The following RASGRP1 variants were observed in gnomAD, a reference collection of about 807,000 sequenced individuals.
The protein encoded by RASGRP1 is RAS guanyl releasing protein 1.
Under a neutral mutation model 95.1 loss-of-function variants are expected in RASGRP1, and 37 were observed. That is an observed-to-expected ratio of 0.39 (90% CI 0.30 to 0.51). The LOEUF is 0.51. Ranked by LOEUF, RASGRP1 falls within the 20% of genes least tolerant of loss-of-function variation. The pLI is 0.80. For synonymous variants in RASGRP1, 325 were observed against 353.4 expected, an observed-to-expected ratio of 0.92 and a Z score of 0.90; for missense variants, 711 against 965.4, an observed-to-expected ratio of 0.74 and a Z score of 3.49.
At chr15:38,559,700 A>G (rs1893726495) in intron 2 of RASGRP1, 121 bp downstream of exon 2, 1 of 1,058,088 alleles carries the variant, frequency 9.5e-7, no homozygotes, top group Admixed American at 2.7e-5. Flanking sequence ...AACATTTCAA[A>G]GGCTCAAAAG....
chr15:38,515,788 C>CCCT (rs1491527110), intron 6 of RASGRP1, among the ~76,000 whole-genome samples: 9 of 134,792 alleles, frequency 6.7e-5, no homozygotes, highest in Non-Finnish European at 8.0e-5. Context: ...ACCCCCCCCC[C>CCCT]TTTTTTTTTT....
chr15:38,502,286 A>T (rs776416726), intron 12 of RASGRP1, 26 bp downstream of exon 12: 1 of 1,495,174 alleles, frequency 6.7e-7, no homozygotes, highest in Non-Finnish European at 9.3e-7. Flanking sequence ...GCTCATAACC[A>T]CATATTCCTA....
intron 1 of RASGRP1, 115 bp downstream of exon 1, chr15:38,564,479 G>T (rs1202090186): frequency 2.2e-6 from 2 of 890,740 alleles, no homozygotes; most frequent in East Asian, 8.0e-5. Context: ...GACTCCGGCC[G>T]ACCCCGGCCC....
rs1167773737 is a variant in RASGRP1, at chr15:38,490,509, G to A, written c.*45C>T. The A allele has an allele frequency of 6.3e-7, 1 of 1,580,432 alleles. No homozygotes were observed. The highest frequency in any genetic ancestry group is 1.2e-5 in the South Asian group (1 of 84,818). ...GTCTGTGCATTACAGTTTAGGAAAT[G>A]AGATCACTATACTCATCTACAGATT... On this transcript the variant is annotated 3_prime_UTR_variant, in exon 17 of 17. Transcript: ENST00000310803.
chr15:38,520,678 A>G (rs1241434593), intron 3 of RASGRP1, among the ~76,000 whole-genome samples: 1 of 152,176 alleles, frequency 6.6e-6, no homozygotes, highest in Non-Finnish European at 1.5e-5. Context: ...ATAAAAAACT[A>G]TTTAGAATTC....
At chr15:38,541,014 G>A (rs1454564674) in intron 2 of RASGRP1, among the ~76,000 whole-genome samples, 1 of 152,196 alleles carries the variant, frequency 6.6e-6, no homozygotes, top group Non-Finnish European at 1.5e-5. Flanking sequence ...GCTCCTGGGA[G>A]ACTGCTCTGA....
chr15:38,563,987 C>G (rs1893918306), intron 1 of RASGRP1, among the ~76,000 whole-genome samples: 1 of 152,238 alleles, frequency 6.6e-6, no homozygotes, highest in Non-Finnish European at 1.5e-5. Context: ...CTCACTGTCC[C>G]TCTTTCTTCA....
At chr15:38,559,686 C>A (rs1390352705) in intron 2 of RASGRP1, 135 bp downstream of exon 2, 1 of 923,738 alleles carries the variant, frequency 1.1e-6, no homozygotes, top group African/African-American at 1.7e-5. Context: ...TGCAGACTGT[C>A]TCCAACATTT....
intron 2 of RASGRP1, among the ~76,000 whole-genome samples, chr15:38,535,927 G>A (rs1892624931): frequency 6.6e-6 from 1 of 152,154 alleles, no homozygotes; most frequent in South Asian, 2.1e-4. Flanking sequence ...TCTGGAAATT[G>A]GACACAAGTC....
intron 12 of RASGRP1, 78 bp from the exon 13 acceptor site, chr15:38,501,365 A>G (rs748493433): frequency 6.6e-7 from 1 of 1,507,478 alleles, no homozygotes; most frequent in South Asian, 1.1e-5. Flanking sequence ...TTCTAGCCTT[A>G]GAAACTCACC....
At chr15:38,514,261 A>C (rs80104046) in intron 6 of RASGRP1, among the ~76,000 whole-genome samples, 1,637 of 152,296 alleles carry the variant, frequency 0.011, 35 homozygotes, top group African/African-American at 0.036. Flanking sequence ...TGATGGGTGG[A>C]AAACCTATGA....
At chr15:38,492,908 TCTCA>T (rs1890647392) in intron 16 of RASGRP1, among the ~76,000 whole-genome samples, 1 of 149,848 alleles carries the variant, frequency 6.7e-6, no homozygotes, top group African/African-American at 2.5e-5. Flanking sequence ...TGAGTTGGAG[TCTCA>T]CTCAGTCGCC....
chr15:38,494,264 T>G lies in RASGRP1; in HGVS notation c.2259+118A>C. Reference sequence around the variant, plus strand: ...CTCCCTGTTTCTCCCCTCCTCCTTTTTTGTTTTAGACTGCTTGTAATCAGC... The same window carrying G: ...CTCCCTGTTTCTCCCCTCCTCCTTTGTTGTTTTAGACTGCTTGTAATCAGC... On this transcript the variant is annotated intron_variant, in intron 16 of 16. Transcript: ENST00000310803. The G allele has an allele frequency of 1.5e-6, 2 of 1,341,122 alleles. 1 individual carries two copies. The highest frequency in any genetic ancestry group is 2.5e-5 in the South Asian group (2 of 79,600). 83.1% of individuals were successfully genotyped at this position (1,341,122 alleles called of 1,614,324 possible).
chr15:38,518,297 A>T lies in RASGRP1; in HGVS notation c.516T>A (p.Thr172=). Residue 172 remains threonine (T), a synonymous_variant, in exon 5 of 17, where the codon ACT becomes ACA. Transcript: ENST00000310803. ...EELHCRLIDT[T]QINARDWSRK... ...GTCAAGACCTTGACACTCACATTTG[A>T]GTTGTGTCAATCAGGCGGCAATGTA... 1 of 1,609,614 alleles carries T rather than the reference A, an allele frequency of 6.2e-7. No individual in the cohort carries two copies. Among genetic ancestry groups the T allele is most frequent in the Non-Finnish European group, 8.5e-7 (1 of 1,177,972 alleles).
At chr15:38,549,379 T>C (rs765044927) in intron 2 of RASGRP1, among the ~76,000 whole-genome samples, 9 of 152,334 alleles carry the variant, frequency 5.9e-5, no homozygotes, top group Non-Finnish European at 1.3e-4. Flanking sequence ...GATAGACTCA[T>C]AGATGATTAA....
At chr15:38,534,768 A>C (rs1892577463) in intron 2 of RASGRP1, 12 of 152,284 alleles carry the variant, frequency 7.9e-5, no homozygotes, top group Admixed American at 7.9e-4. Flanking sequence ...AGCCTCCCTC[A>C]ACTCCTGTTG....
intron 2 of RASGRP1, among the ~76,000 whole-genome samples, chr15:38,549,522 G>T (rs1231291218): frequency 1.3e-5 from 2 of 152,136 alleles, no homozygotes; most frequent in African/African-American, 2.4e-5. Flanking sequence ...AGCTCCATTT[G>T]CTCCTCCAAC....
intron 2 of RASGRP1, among the ~76,000 whole-genome samples, chr15:38,557,890 G>A (rs1893633658): frequency 6.6e-6 from 1 of 152,086 alleles, no homozygotes; most frequent in African/African-American, 2.4e-5. Flanking sequence ...CCTTTGGAAG[G>A]TCTGTTAAGG....
chr15:38,534,242 G>A (rs912932808), intron 2 of RASGRP1: 1 of 152,280 alleles, frequency 6.6e-6, no homozygotes, highest in African/African-American at 2.4e-5. Flanking sequence ...TGCAACAGCA[G>A]TTTCTTGAAG....
Sources: allele counts gnomAD v4.1 joint callset (sites outside exome capture counted in the v4.1 genomes callset), GRCh38; gene constraint gnomAD v4.1.1; transcripts MANE v1.5; gene names NCBI Gene and HGNC (gene_info 2026-07-23, HGNC 2026-07-21).